The following ATL2 variants were observed in gnomAD, a reference collection of about 807,000 sequenced individuals.
The protein encoded by ATL2 is atlastin GTPase 2.
In ATL2, 31 loss-of-function variants were observed where a neutral mutation model predicts 73.9. The observed-to-expected ratio is 0.42, with a 90% CI of 0.32 to 0.57. The LOEUF (loss-of-function observed/expected upper bound fraction) is 0.57. Among genes scored for constraint, ATL2 ranks in the 20% least tolerant of loss-of-function variants. The pLI, the probability that ATL2 is intolerant of heterozygous loss-of-function variation, is 0.14. For synonymous variants in ATL2, 291 were observed against 237.5 expected (o/e 1.23, Z -2.07); for missense variants, 738 against 702.6 (o/e 1.05, Z -0.57).
At chr2:38,352,133 CAAAAAAA>C (rs778821586) in intron 1 of ATL2, among the ~76,000 whole-genome samples, 931 of 31,998 alleles carry the variant, frequency 0.029, 15 homozygotes, top group East Asian at 0.16. Context: ...AAACAACAAC[CAAAAAAA>C]AAAAAAAAAA....
At chr2:38,309,292 A>T in intron 9 of ATL2, 87 bp downstream of exon 9, 1 of 1,303,088 alleles carries the variant, frequency 7.7e-7, no homozygotes, top group Non-Finnish European at 1.0e-6. Flanking sequence ...GTTTTAAAAT[A>T]AAGACAAGAA....
chr2:38,325,698 GT>G (rs1668596365), intron 2 of ATL2, among the ~76,000 whole-genome samples: 15 of 4,106 alleles, frequency 3.7e-3, no homozygotes, highest in South Asian at 0.014. Context: ...ACACACACCA[GT>G]ACACACACAC....
intron 1 of ATL2, among the ~76,000 whole-genome samples, chr2:38,357,503 A>C (rs1023292945): frequency 7.9e-5 from 12 of 151,498 alleles, no homozygotes; most frequent in Non-Finnish European, 7.4e-5. Flanking sequence ...AAAATACAAA[A>C]ATTAGCTGGG....
At chr2:38,374,838 C>T (rs1264173100) in intron 1 of ATL2, among the ~76,000 whole-genome samples, 2 of 152,124 alleles carry the variant, frequency 1.3e-5, no homozygotes, top group Non-Finnish European at 2.9e-5. Flanking sequence ...TGTGAATATT[C>T]CAAAACTTTA....
At chr2:38,319,754 T>G (rs1464913210) in intron 2 of ATL2, among the ~76,000 whole-genome samples, 1 of 152,216 alleles carries the variant, frequency 6.6e-6, no homozygotes, top group Non-Finnish European at 1.5e-5. Flanking sequence ...AAAACAGCAC[T>G]GCTTTCTCAG....
At chr2:38,343,006 G>A in intron 2 of ATL2, among the ~76,000 whole-genome samples, 1 of 150,814 alleles carries the variant, frequency 6.6e-6, no homozygotes, top group East Asian at 1.9e-4. Flanking sequence ...TTAAGAGTTG[G>A]GCATGGTGGC....
At chr2:38,318,408 G>C (rs1486862477) in intron 4 of ATL2, 127 bp downstream of exon 4, 1 of 576,768 alleles carries the variant, frequency 1.7e-6, no homozygotes, top group Non-Finnish European at 2.9e-6. Flanking sequence ...AGAGGTTGCA[G>C]TGAGCCGAGA....
chr2:38,364,534 G>C (rs1199821514), intron 1 of ATL2, among the ~76,000 whole-genome samples: 1 of 152,168 alleles, frequency 6.6e-6, no homozygotes, highest in African/African-American at 2.4e-5. Flanking sequence ...TGTGGCCTTA[G>C]GCCAAATTAT....
Position 38,343,494 on chromosome 2 carries a change from T to A in ATL2, c.137A>T (p.Asp46Val), listed in dbSNP as rs1211265885. The A allele has an allele frequency of 3.1e-6, 5 of 1,605,208 alleles. No individual in the cohort carries two copies. In the African/African-American group the frequency reaches 6.7e-5, roughly 22 times the overall value. ...TTSLGENYED[D>V]DLVNSDEVMK... ...AACCTCATCAGAATTTACTAGGTCA[T>A]CATCTTCATAATTCTCACCTAGAAT... is the stretch of plus-strand genomic sequence containing the variant. The change falls in exon 2 of 13, where the codon GAT (aspartate) becomes GTT (valine). Residue 46 changes from aspartate (D) to valine (V), a missense_variant. Coordinates refer to ENST00000378954, the MANE Select transcript of ATL2 (RefSeq NM_001135673.4).
chr2:38,362,425 C>T (rs373151867), intron 1 of ATL2, among the ~76,000 whole-genome samples: 32 of 152,288 alleles, frequency 2.1e-4, no homozygotes, highest in African/African-American at 7.5e-4. Flanking sequence ...TAGCCACAGC[C>T]ACACCGTACA....
At chr2:38,365,877 G>T (rs910902268) in intron 1 of ATL2, among the ~76,000 whole-genome samples, 1 of 152,022 alleles carries the variant, frequency 6.6e-6, no homozygotes, top group African/African-American at 2.4e-5. Flanking sequence ...AATCTGGGAA[G>T]CAGAGGTTGC....
chr2:38,305,097 A>C (rs773069943), intron 9 of ATL2, among the ~76,000 whole-genome samples: 3 of 152,198 alleles, frequency 2.0e-5, no homozygotes, highest in Middle Eastern at 3.2e-3. Flanking sequence ...AGAGCAGAAG[A>C]AGCTACATTT....
At chr2:38,376,885 G>A (rs909214918) in intron 1 of ATL2, among the ~76,000 whole-genome samples, 7 of 150,558 alleles carry the variant, frequency 4.6e-5, no homozygotes, top group African/African-American at 7.3e-5. Context: ...AGGGGGCCGG[G>A]CCGGTCGCAG....
rs755665087 is a variant in ATL2, at chr2:38,377,147, G to A, written c.114C>T (p.Ser38=). The stretch of plus-strand genomic sequence containing the variant: ...CTCTGCCTCGCTGGCCCGTACCTAG[G>A]GAGGTCGTGGACGAGACGTGGTTAA... ...AAVNHVSSTT[S]LGENYEDDDL... Residue 38 remains serine, a synonymous_variant, in exon 1 of 13, where the codon TCC becomes TCT. Coordinates refer to ENST00000378954, the MANE Select transcript of ATL2 (RefSeq NM_001135673.4). The A allele has an allele frequency of 6.2e-7, 1 of 1,610,372 alleles. No individual in the cohort carries two copies. The highest frequency in any genetic ancestry group is 8.5e-7 in the Non-Finnish European group (1 of 1,179,298).
intron 1 of ATL2, among the ~76,000 whole-genome samples, chr2:38,348,240 G>A (rs971687388): frequency 1.8e-4 from 28 of 152,040 alleles, no homozygotes; most frequent in Non-Finnish European, 3.7e-4. Flanking sequence ...GCTGAGGAGG[G>A]CGGATCACCT....
intron 1 of ATL2, among the ~76,000 whole-genome samples, chr2:38,358,881 A>T (rs1044803266): frequency 6.6e-6 from 1 of 152,212 alleles, no homozygotes; most frequent in Non-Finnish European, 1.5e-5. Context: ...GTACTGACAA[A>T]GACACAAACT....
At chr2:38,354,010 T>G in intron 1 of ATL2, 1 of 272,828 alleles carries the variant, frequency 3.7e-6, no homozygotes. Context: ...CTGGCCAACA[T>G]GGTGAAACCC....
intron 1 of ATL2, among the ~76,000 whole-genome samples, chr2:38,351,428 A>G (rs1002027306): frequency 6.6e-6 from 1 of 152,130 alleles, no homozygotes; most frequent in African/African-American, 2.4e-5. Flanking sequence ...TTTTAGCCAT[A>G]TACTGACATA....
intron 9 of ATL2, among the ~76,000 whole-genome samples, chr2:38,304,455 C>A (rs960873780): frequency 6.6e-6 from 1 of 152,024 alleles, no homozygotes; most frequent in Non-Finnish European, 1.5e-5. Flanking sequence ...ATTTGAAGGT[C>A]CAAAACTCAC....
Sources: gnomAD v4.1 joint callset for allele counts (sites outside exome capture counted in the v4.1 genomes callset) on GRCh38, gnomAD v4.1.1 for gene constraint, MANE v1.5 for transcripts, NCBI Gene and HGNC (gene_info 2026-07-23, HGNC 2026-07-21) for gene names.